The following NEMP2 variants were observed in gnomAD, a reference collection of about 807,000 sequenced individuals.
The protein encoded by NEMP2 is nuclear envelope integral membrane protein 2.
A neutral mutation model predicts 54.2 loss-of-function variants in NEMP2; 53 were observed. The observed-to-expected ratio is 0.98, with a 90% confidence interval of 0.78 to 1.23. The LOEUF (loss-of-function observed/expected upper bound fraction) is 1.23. Ranked by LOEUF, NEMP2 falls within the 50% of genes most tolerant of loss-of-function variation. The pLI is 0.00. For synonymous variants in NEMP2, 197 were observed against 190.3 expected, an observed-to-expected ratio of 1.04 and a Z score of -0.29; for missense variants, 455 against 511.3, an observed-to-expected ratio of 0.89 and a Z score of 1.06.
the NEMP2 span, among the ~76,000 whole-genome samples, chr2:190,554,894 C>A: frequency 6.6e-6 from 1 of 152,198 alleles, no homozygotes; most frequent in Non-Finnish European, 1.5e-5. This position sits in a 1 kb window ranked among gnomAD's most constrained non-coding sequence, Gnocchi z 5.7. Context: ...CGACAGACAC[C>A]TCATACAGGA....
At chr2:190,641,355 C>T in the NEMP2 span, 1 of 152,232 alleles carries the variant, frequency 6.6e-6, no homozygotes, top group Non-Finnish European at 1.5e-5. Context: ...AAGCCAACAT[C>T]TTGGCTGACA....
At chr2:190,503,025 C>T (rs1690089402), downstream of NEMP2, among the ~76,000 whole-genome samples, 1 of 152,210 alleles carries the variant, frequency 6.6e-6, no homozygotes, top group African/African-American at 2.4e-5. The surrounding 1 kb of genome is among the most constrained non-coding windows in gnomAD (Gnocchi z 6.3). Context: ...TCTGTTATGG[C>T]AGAGGAAGCC....
the NEMP2 span, among the ~76,000 whole-genome samples, chr2:190,554,215 C>A: frequency 1.3e-5 from 2 of 152,158 alleles, no homozygotes; most frequent in African/African-American, 4.8e-5. The surrounding 1 kb of genome is among the most constrained non-coding windows in gnomAD (Gnocchi z 5.7). Context: ...GTTTCCAGCA[C>A]AAAACTGGGC....
chr2:190,471,866 C>T, the NEMP2 span, among the ~76,000 whole-genome samples: 22 of 152,292 alleles, frequency 1.4e-4, no homozygotes, highest in South Asian at 8.3e-4. This position sits in a 1 kb window ranked among gnomAD's most constrained non-coding sequence, Gnocchi z 4.7. Flanking sequence ...ATAACTCATA[C>T]GGCCGGGTAC....
At chr2:190,555,049 A>C in the NEMP2 span, among the ~76,000 whole-genome samples, 1 of 152,220 alleles carries the variant, frequency 6.6e-6, no homozygotes, top group East Asian at 1.9e-4. This position sits in a 1 kb window ranked among gnomAD's most constrained non-coding sequence, Gnocchi z 4.8. Flanking sequence ...AAGCTCCAGC[A>C]AGCTCCAGCA....
chr2:190,483,930 A>G, the NEMP2 span, among the ~76,000 whole-genome samples: 1 of 152,120 alleles, frequency 6.6e-6, no homozygotes, highest in Non-Finnish European at 1.5e-5. Flanking sequence ...ATGGATCCCA[A>G]GTAAAGTCTT....
the NEMP2 span, among the ~76,000 whole-genome samples, chr2:190,634,738 G>A: frequency 6.6e-6 from 1 of 152,192 alleles, no homozygotes; most frequent in African/African-American, 2.4e-5. This position sits in a 1 kb window ranked among gnomAD's most constrained non-coding sequence, Gnocchi z 6.8. Context: ...AGCTGTTCAT[G>A]AGGTTAACTG....
upstream of NEMP2, chr2:190,536,087 T>A (rs1691367222): frequency 6.6e-6 from 1 of 152,234 alleles, no homozygotes; most frequent in Non-Finnish European, 1.5e-5. Context: ...GCTATTTATA[T>A]CACAGATCCT....
At chr2:190,578,883 C>A in the NEMP2 span, among the ~76,000 whole-genome samples, 93 of 152,258 alleles carry the variant, frequency 6.1e-4, no homozygotes, top group Admixed American at 4.9e-3. The surrounding 1 kb of genome is among the most constrained non-coding windows in gnomAD (Gnocchi z 4.4). Flanking sequence ...TTTGTGGGAA[C>A]GGATCAGCTC....
Position 190,534,667 on chromosome 2 carries a change from T to A in NEMP2, c.-12A>T, listed in dbSNP as rs557177147. 4 of 1,275,550 alleles carry A rather than the reference T, an allele frequency of 3.1e-6. No individual in the cohort carries two copies. Among genetic ancestry groups the A allele is most frequent in the Non-Finnish European group, 4.0e-6 (4 of 1,011,906 alleles). The allele number at this position is 1,275,550 out of a possible 1,614,324, so 79.0% of individuals were successfully genotyped here. A position where few individuals can be genotyped will look rare whatever the true frequency, so the allele number is the denominator to read the frequency against. On this transcript the variant is annotated 5_prime_UTR_variant, in exon 1 of 9. Transcript: ENST00000409150. Reference sequence around the variant, plus strand: ...TGGCGCGGCCCCATTTCGTTAGGGGTCAGCTCCGTGCGACCCGAGCCCTAG... The same window carrying A: ...TGGCGCGGCCCCATTTCGTTAGGGGACAGCTCCGTGCGACCCGAGCCCTAG...
chr2:190,440,953 C>T, the NEMP2 span, among the ~76,000 whole-genome samples: 3 of 152,278 alleles, frequency 2.0e-5, no homozygotes, highest in South Asian at 4.1e-4. Flanking sequence ...GGCTTCAGCA[C>T]AGCCAAGGAC....
the NEMP2 span, among the ~76,000 whole-genome samples, chr2:190,557,429 A>G: frequency 6.6e-6 from 1 of 152,198 alleles, no homozygotes; most frequent in Non-Finnish European, 1.5e-5. Flanking sequence ...AGACTTCATG[A>G]CTAAAACACC....
the NEMP2 span, among the ~76,000 whole-genome samples, chr2:190,493,950 AG>A: frequency 6.6e-6 from 1 of 152,298 alleles, no homozygotes; most frequent in South Asian, 2.1e-4. Flanking sequence ...TCACACCTCA[AG>A]GAACTAGAGA....
the NEMP2 span, among the ~76,000 whole-genome samples, chr2:190,475,707 A>T: frequency 1.2e-4 from 18 of 152,172 alleles, no homozygotes; most frequent in African/African-American, 4.3e-4. Context: ...ATTGGAAAAA[A>T]CTACTTTAAA....
At chr2:190,432,390 A>G in the NEMP2 span, among the ~76,000 whole-genome samples, 3 of 152,108 alleles carry the variant, frequency 2.0e-5, no homozygotes, top group Non-Finnish European at 4.4e-5. Flanking sequence ...TTGGTGCTCT[A>G]TGGCCAGAAA....
At chr2:190,493,426 A>G in the NEMP2 span, among the ~76,000 whole-genome samples, 1 of 152,322 alleles carries the variant, frequency 6.6e-6, no homozygotes, top group Middle Eastern at 3.4e-3. Context: ...CAGCAACACA[A>G]TAATAGTGGG....
chr2:190,498,638 TTACTC>T, the NEMP2 span, among the ~76,000 whole-genome samples: 1 of 152,154 alleles, frequency 6.6e-6, no homozygotes, highest in Admixed American at 6.5e-5. This position sits in a 1 kb window ranked among gnomAD's most constrained non-coding sequence, Gnocchi z 5.9. Flanking sequence ...ACTCACATCA[TTACTC>T]TGCTCAGTCA....
the NEMP2 span, among the ~76,000 whole-genome samples, chr2:190,458,955 G>A: frequency 6.6e-6 from 1 of 152,202 alleles, no homozygotes; most frequent in Non-Finnish European, 1.5e-5. This position sits in a 1 kb window ranked among gnomAD's most constrained non-coding sequence, Gnocchi z 5.3. Context: ...CTTAGTTTCT[G>A]CTTAGCAGAA....
the NEMP2 span, among the ~76,000 whole-genome samples, chr2:190,475,746 A>G: frequency 6.6e-6 from 1 of 152,212 alleles, no homozygotes; most frequent in East Asian, 1.9e-4. Context: ...AAGAGCCCGC[A>G]TTGCCAAGTG....
Sources: allele counts gnomAD v4.1 joint callset (sites outside exome capture counted in the v4.1 genomes callset), GRCh38; gene constraint gnomAD v4.1.1; non-coding constraint Gnocchi (gnomAD v3.1); transcripts MANE v1.5; gene names NCBI Gene and HGNC (gene_info 2026-07-23, HGNC 2026-07-21).